Variants in NR2C1 observed in about 807,000 individuals in gnomAD.
The protein encoded by NR2C1 is nuclear receptor subfamily 2 group C member 1.
Under a neutral mutation model 74.8 loss-of-function variants are expected in NR2C1, and 33 were observed. The ratio of observed to expected loss-of-function variants is 0.44; its 90% CI spans 0.33 to 0.59. The LOEUF (loss-of-function observed/expected upper bound fraction) is 0.59. Among genes scored for constraint, NR2C1 ranks in the 20% least tolerant of loss-of-function variants. The pLI, the probability that NR2C1 is intolerant of heterozygous loss-of-function variation, is 0.02. For synonymous variants in NR2C1, 225 were observed against 240.6 expected (o/e 0.94, Z 0.60); for missense variants, 568 against 715.6 (o/e 0.79, Z 2.35).
chr12:95,058,315 T>C lies in NR2C1; in HGVS notation c.539A>G (p.Gln180Arg). Residue 180 changes from glutamine to arginine, a missense_variant, in exon 5 of 14, where the codon CAA becomes CGA. By Grantham distance (43) the Gln-to-Arg change is conservative (BLOSUM62 1). Transcript: ENST00000333003. ...LQRCIAFGMK[Q>R]DSVQCERKPI... ...CCTTAAAAGCTAATACATACAGTCT[T>C]GCTTCATTCCAAACGCAATACATCT... 7 of 1,610,304 alleles carry C rather than the reference T, an allele frequency of 4.3e-6. No individual in the cohort carries two copies. Among genetic ancestry groups the C allele is most frequent in the Non-Finnish European group, 5.9e-6 (7 of 1,179,294 alleles).
intron 3 of NR2C1, among the ~76,000 whole-genome samples, chr12:95,060,192 A>C (rs1349160905): frequency 1.3e-5 from 2 of 152,198 alleles, no homozygotes; most frequent in Non-Finnish European, 2.9e-5. Flanking sequence ...ATAATGGCAT[A>C]AAGAGATAAC....
At chr12:95,069,221 A>C (rs1876204610) in intron 1 of NR2C1, among the ~76,000 whole-genome samples, 1 of 152,252 alleles carries the variant, frequency 6.6e-6, no homozygotes, top group Non-Finnish European at 1.5e-5. Flanking sequence ...TTGGTGCATT[A>C]GACTCAAAGA....
At chr12:95,054,133 T>C (rs1329490521) in intron 7 of NR2C1, among the ~76,000 whole-genome samples, 1 of 152,230 alleles carries the variant, frequency 6.6e-6, no homozygotes, top group Non-Finnish European at 1.5e-5. Context: ...AAAAATCATT[T>C]ACTGAAAACC....
chr12:95,027,822 T>A (rs1161579491), intron 12 of NR2C1, among the ~76,000 whole-genome samples: 1 of 152,174 alleles, frequency 6.6e-6, no homozygotes, highest in African/African-American at 2.4e-5. Flanking sequence ...TTTGGAACAT[T>A]TTTGTCACTC....
chr12:95,060,045 C>CTCA, intron 3 of NR2C1, 61 bp from the exon 4 acceptor site: 1 of 1,255,642 alleles, frequency 8.0e-7, no homozygotes, highest in Non-Finnish European at 1.1e-6. Flanking sequence ...CTCAACAGCA[C>CTCA]TCATTCTATT....
chr12:95,025,714 G>A (rs1416773108), intron 12 of NR2C1, among the ~76,000 whole-genome samples: 1 of 140,942 alleles, frequency 7.1e-6, no homozygotes, highest in Non-Finnish European at 1.5e-5. Context: ...AATATTGATT[G>A]AGGCCACCTA....
At position 95,034,321 on chromosome 12, in the gene NR2C1, G is replaced by A. The variant is rs901224317; in HGVS notation, c.1254-2833C>T. On this transcript the variant is annotated intron_variant, in intron 10 of 13. Coordinates refer to ENST00000333003, the MANE Select transcript of NR2C1 (RefSeq NM_003297.4). ...GTAAAGTTTAAATGCAAAGAAAACC[G>A]GTATTTTATAATATTCCTATAGAAA... is the stretch of plus-strand genomic sequence containing the variant. Among the ~76,000 whole-genome samples, 8 of 151,722 alleles carry A rather than the reference G, an allele frequency of 5.3e-5. No homozygotes were observed. The South Asian group carries it at 6.3e-4, about 12-fold the overall frequency.
At chr12:95,070,712 A>G (rs1265102954) in intron 1 of NR2C1, among the ~76,000 whole-genome samples, 1 of 152,132 alleles carries the variant, frequency 6.6e-6, no homozygotes. Context: ...TATTCATTCA[A>G]TATTTATTAT....
chr12:95,031,894 G>A (rs1195864652), intron 10 of NR2C1, among the ~76,000 whole-genome samples: 1 of 152,216 alleles, frequency 6.6e-6, no homozygotes, highest in Admixed American at 6.5e-5. Context: ...TTGAGACAGA[G>A]TCTTGCTCTG....
At chr12:95,055,235 A>G (rs936698170) in intron 7 of NR2C1, among the ~76,000 whole-genome samples, 16 of 152,256 alleles carry the variant, frequency 1.1e-4, no homozygotes, top group Non-Finnish European at 2.4e-4. Flanking sequence ...TACGGTTGTC[A>G]TAACAATTTA....
At chr12:95,052,719 C>A (rs1379779208) in intron 7 of NR2C1, among the ~76,000 whole-genome samples, 1 of 152,050 alleles carries the variant, frequency 6.6e-6, no homozygotes, top group East Asian at 1.9e-4. Context: ...CTCCTGAGTA[C>A]AATTTCTAAA....
chr12:95,071,518 G>A (rs755075844), intron 1 of NR2C1, among the ~76,000 whole-genome samples: 2 of 151,966 alleles, frequency 1.3e-5, no homozygotes, highest in East Asian at 1.9e-4. Flanking sequence ...ACACACAGAC[G>A]GTGTGTGTTT....
intron 9 of NR2C1, among the ~76,000 whole-genome samples, chr12:95,041,374 C>T (rs773668619): frequency 2.0e-5 from 3 of 151,864 alleles, no homozygotes; most frequent in Non-Finnish European, 2.9e-5. Flanking sequence ...CCCAGCTACC[C>T]GGGAGGCTGA....
In NR2C1 at chr12:95,058,222, C is replaced by T. The variant is rs1017992193; in HGVS notation, c.544+88G>A. The T allele has an allele frequency of 6.9e-6, 8 of 1,162,950 alleles. No individual in the cohort carries two copies. In the African/African-American group the frequency reaches 9.4e-5, roughly 14 times the overall value. The allele number at this position is 1,162,950 out of a possible 1,614,324, so 72.0% of individuals were successfully genotyped here. On this transcript the variant is annotated intron_variant, in intron 5 of 13. Transcript: ENST00000333003. ...GGAAAACTGTAAACTAAAAAGTATA[C>T]ATATTTGACATATTTTGTTAATTTC...
At chr12:95,036,936 T>A (rs907220410) in intron 10 of NR2C1, among the ~76,000 whole-genome samples, 6 of 152,212 alleles carry the variant, frequency 3.9e-5, no homozygotes, top group Non-Finnish European at 8.8e-5. Flanking sequence ...GCACCAGTCC[T>A]CAGGGAAAAG....
At chr12:95,072,548 C>A (rs1413577307) in intron 1 of NR2C1, 2 of 150,878 alleles carry the variant, frequency 1.3e-5, no homozygotes, top group African/African-American at 2.4e-5. Context: ...GGTCCATTTA[C>A]AAATTCTAGC....
intron 4 of NR2C1, among the ~76,000 whole-genome samples, chr12:95,059,503 C>T (rs844333): frequency 2.0e-5 from 3 of 151,734 alleles, no homozygotes; most frequent in Non-Finnish European, 4.4e-5. Flanking sequence ...CCTGAGGTCA[C>T]GAGTTTGAGA....
At chr12:95,055,034 T>A (rs139246190) in intron 7 of NR2C1, among the ~76,000 whole-genome samples, 3,886 of 152,260 alleles carry the variant, frequency 0.026, 86 homozygotes, top group Non-Finnish European at 0.04. Flanking sequence ...TAACCCTGAG[T>A]GGACACAGCA....
At position 95,059,986 on chromosome 12, in the gene NR2C1, T is replaced by TAAAAAAAAAAAA. The variant is rs79760875; in HGVS notation, c.286-14_286-3dup. The stretch of plus-strand genomic sequence containing the variant: ...GTCTGGAGAATTATCTGTTAGGAGC[T>TAAAAAAAAAAAA]AAAAAAAAAAAAAAAAAAAAAGAAA... On this transcript the variant is annotated splice_region_variant and splice_polypyrimidine_tract_variant and intron_variant, in intron 3 of 13. Transcript: ENST00000333003. The TAAAAAAAAAAAA allele has an allele frequency of 4.4e-4, 473 of 1,073,950 alleles. No homozygotes were observed. Among genetic ancestry groups the TAAAAAAAAAAAA allele is most frequent in the South Asian group, 1.5e-3 (79 of 52,274 alleles). The allele number at this position is 1,073,950 out of a possible 1,614,324, so 66.5% of individuals were successfully genotyped here.
Sources: allele counts gnomAD v4.1 joint callset (sites outside exome capture counted in the v4.1 genomes callset), GRCh38; gene constraint gnomAD v4.1.1; transcripts MANE v1.5; gene names NCBI Gene and HGNC (gene_info 2026-07-23, HGNC 2026-07-21).